The following ERC1 variants were observed in gnomAD, a reference collection of about 807,000 sequenced individuals.
The protein encoded by ERC1 is RAB6 interacting protein 2.
ERC1 carries 56 observed loss-of-function variants against 132.0 expected under a neutral mutation model. That is an observed-to-expected ratio of 0.42 (90% CI 0.34 to 0.53). The LOEUF (loss-of-function observed/expected upper bound fraction) is 0.53. Among genes scored for constraint, ERC1 ranks in the 20% least tolerant of loss-of-function variants. The pLI is 0.03. For missense variants in ERC1, 1,202 were observed against 1,349.9 expected, an observed-to-expected ratio of 0.89 and a Z score of 1.72; for synonymous variants, 478 against 476.1, an observed-to-expected ratio of 1.00 and a Z score of -0.05.
At chr12:1,094,799 G>A (rs1943800255) in intron 3 of ERC1, among the ~76,000 whole-genome samples, 1 of 152,122 alleles carries the variant, frequency 6.6e-6, no homozygotes, top group Admixed American at 6.6e-5. Flanking sequence ...TACCAGAGAT[G>A]GTAATGGGTT....
At chr12:1,235,282 C>T (rs189980737) in intron 12 of ERC1, among the ~76,000 whole-genome samples, 2 of 152,262 alleles carry the variant, frequency 1.3e-5, no homozygotes, top group Admixed American at 1.3e-4. Context: ...TCACCTGAGC[C>T]TGGGGGGTCA....
At chr12:1,130,632 CTTT>C (rs201618993) in intron 7 of ERC1, among the ~76,000 whole-genome samples, 4,091 of 147,168 alleles carry the variant, frequency 0.028, 66 homozygotes, top group East Asian at 0.081. Flanking sequence ...AACGTATAGT[CTTT>C]TTTTTTTTTT....
chr12:1,457,171 C>T (rs1200663804), intron 18 of ERC1, among the ~76,000 whole-genome samples: 1 of 152,134 alleles, frequency 6.6e-6, no homozygotes, highest in Non-Finnish European at 1.5e-5. Flanking sequence ...TACCAGACAC[C>T]CTCGGTGTGT....
chr12:1,208,949 C>T (rs1037101955), intron 12 of ERC1, among the ~76,000 whole-genome samples: 2 of 146,218 alleles, frequency 1.4e-5, no homozygotes, highest in Non-Finnish European at 3.0e-5. Context: ...TGCCACCACG[C>T]CCAGCTGATT....
At chr12:1,037,870 CT>C (rs1211869401) in intron 2 of ERC1, among the ~76,000 whole-genome samples, 1 of 151,842 alleles carries the variant, frequency 6.6e-6, no homozygotes, top group Non-Finnish European at 1.5e-5. Flanking sequence ...TGGTGAAACC[CT>C]GTCTCTACTA....
chr12:1,180,506 C>G (rs759212600), intron 8 of ERC1, 34 bp from the exon 9 acceptor site: 2 of 1,599,182 alleles, frequency 1.3e-6, no homozygotes, highest in Non-Finnish European at 1.7e-6. Flanking sequence ...TATACATGTC[C>G]TCTCTTTTCC....
At chr12:1,261,040 A>G (rs930410118) in intron 13 of ERC1, among the ~76,000 whole-genome samples, 2 of 152,218 alleles carry the variant, frequency 1.3e-5, no homozygotes, top group Non-Finnish European at 2.9e-5. Flanking sequence ...GAGTTTTATA[A>G]TGAAACACTA....
At chr12:1,368,082 T>A (rs959611312) in intron 15 of ERC1, among the ~76,000 whole-genome samples, 1 of 152,004 alleles carries the variant, frequency 6.6e-6, no homozygotes, top group East Asian at 1.9e-4. Flanking sequence ...CGTTCACATT[T>A]TATGTGCTTG....
intron 15 of ERC1, among the ~76,000 whole-genome samples, chr12:1,341,814 T>A (rs1185220918): frequency 1.3e-5 from 2 of 152,172 alleles, no homozygotes; most frequent in Admixed American, 1.3e-4. Flanking sequence ...GTATAATTTT[T>A]AAAAAAAGAA....
intron 15 of ERC1, among the ~76,000 whole-genome samples, chr12:1,350,882 C>A (rs1019917443): frequency 1.3e-5 from 2 of 152,292 alleles, no homozygotes; most frequent in East Asian, 3.9e-4. Flanking sequence ...GGGACACATG[C>A]AAACAGGAGA....
At chr12:1,420,857 T>G (rs2092396471) in intron 17 of ERC1, among the ~76,000 whole-genome samples, 1 of 145,804 alleles carries the variant, frequency 6.9e-6, no homozygotes, top group Non-Finnish European at 1.5e-5. Flanking sequence ...AGTGCAAGGG[T>G]GTGCATTTAT....
chr12:1,288,872 ATAAT>A (rs1332527373), intron 14 of ERC1, among the ~76,000 whole-genome samples: 2 of 152,176 alleles, frequency 1.3e-5, no homozygotes, highest in Non-Finnish European at 1.5e-5. Context: ...GTTTATTTAA[ATAAT>A]TCTGATTTGG....
intron 11 of ERC1, among the ~76,000 whole-genome samples, chr12:1,189,435 T>G (rs1359783454): frequency 1.3e-5 from 2 of 152,092 alleles, no homozygotes; most frequent in Non-Finnish European, 2.9e-5. Context: ...GAAATGGAAA[T>G]GGAAGTTAGG....
chr12:1,458,801 G>A (rs2093592164), intron 18 of ERC1, among the ~76,000 whole-genome samples: 1 of 152,192 alleles, frequency 6.6e-6, no homozygotes, highest in East Asian at 1.9e-4. Context: ...GCTTCCCAAA[G>A]CATGTATGTA....
At chr12:1,228,873 A>G (rs1326336430) in intron 12 of ERC1, among the ~76,000 whole-genome samples, 2 of 152,226 alleles carry the variant, frequency 1.3e-5, no homozygotes, top group African/African-American at 4.8e-5. Flanking sequence ...ACTTGATTAT[A>G]GTGAATGGTC....
intron 7 of ERC1, among the ~76,000 whole-genome samples, chr12:1,131,217 G>T (rs1484404044): frequency 3.9e-5 from 6 of 152,038 alleles, no homozygotes; most frequent in Non-Finnish European, 8.8e-5. Context: ...CCTTAGAATT[G>T]GATTAGTTTC....
At chr12:1,095,876 A>G (rs1022823460) in intron 3 of ERC1, among the ~76,000 whole-genome samples, 2 of 151,266 alleles carry the variant, frequency 1.3e-5, no homozygotes, top group Admixed American at 1.3e-4. Flanking sequence ...GAAAAGCTTT[A>G]TGCCTATGGA....
chr12:1,011,379 A>T (rs1592681645), intron 1 of ERC1, among the ~76,000 whole-genome samples: 2 of 152,040 alleles, frequency 1.3e-5, no homozygotes, highest in South Asian at 2.1e-4. Context: ...AATTAAAAAA[A>T]TTTTTTTGTA....
chr12:1,317,425 T>C (rs1044969012), intron 15 of ERC1, among the ~76,000 whole-genome samples: 27 of 152,012 alleles, frequency 1.8e-4, no homozygotes, highest in African/African-American at 6.3e-4. Context: ...AGGAAAGGGA[T>C]AGCATTAGGA....
Sources: allele counts gnomAD v4.1 joint callset (sites outside exome capture counted in the v4.1 genomes callset), GRCh38; gene constraint gnomAD v4.1.1; transcripts MANE v1.5; gene names NCBI Gene and HGNC (gene_info 2026-07-23, HGNC 2026-07-21).